Variants in CEP128 observed in about 807,000 individuals in gnomAD.
CEP128 encodes centrosomal protein 128.
Under a neutral mutation model 156.7 loss-of-function variants are expected in CEP128, and 132 were observed. The ratio of observed to expected loss-of-function variants is 0.84; its 90% CI spans 0.73 to 0.97. The LOEUF is 0.97. Ranked by LOEUF, CEP128 falls within the 50% of genes least tolerant of loss-of-function variation. The pLI is 0.00. For synonymous variants in CEP128, 469 were observed against 448.9 expected, an observed-to-expected ratio of 1.04 and a Z score of -0.57; for missense variants, 1,252 against 1,281.9, an observed-to-expected ratio of 0.98 and a Z score of 0.36.
intron 19 of CEP128, among the ~76,000 whole-genome samples, chr14:80,735,298 T>C (rs966402681): frequency 6.6e-6 from 1 of 152,326 alleles, no homozygotes; most frequent in Middle Eastern, 3.4e-3. Flanking sequence ...TCATAATCCA[T>C]GTAACTTCTT....
chr14:80,633,116 A>G lies in CEP128; in HGVS notation c.2807-52693T>C, dbSNP rs7150760. Among the ~76,000 whole-genome samples, 1,179 of 151,776 alleles carry G rather than the reference A, an allele frequency of 7.8e-3. 25 individuals are homozygous for G. The highest frequency in any genetic ancestry group is 0.027 in the African/African-American group (1,117 of 41,218). Reference sequence around the variant, plus strand: ...GTGATGTGTGTCTGTAGTCCCAGCTATTCTGGAGGCTGAGGCAGGAGGATC... The same window carrying G: ...GTGATGTGTGTCTGTAGTCCCAGCTGTTCTGGAGGCTGAGGCAGGAGGATC... On this transcript the variant is annotated intron_variant, in intron 19 of 24. Transcript: ENST00000555265.
At chr14:80,751,207 T>C (rs892617730) in intron 18 of CEP128, among the ~76,000 whole-genome samples, 1 of 152,234 alleles carries the variant, frequency 6.6e-6, no homozygotes, top group African/African-American at 2.4e-5. Flanking sequence ...ATATGACCTA[T>C]GGCTTCAGTC....
chr14:80,896,690 C>T (rs8021137), intron 7 of CEP128, among the ~76,000 whole-genome samples: 104,906 of 152,048 alleles, frequency 0.69, 37,429 homozygotes, highest in African/African-American at 0.88. Flanking sequence ...ATAACTTTCC[C>T]GTGTTCTTGT....
intron 13 of CEP128, among the ~76,000 whole-genome samples, chr14:80,816,102 T>C (rs1884840358): frequency 6.6e-6 from 1 of 152,198 alleles, no homozygotes; most frequent in African/African-American, 2.4e-5. Context: ...TAAATTTGTA[T>C]ACATTTTTTA....
intron 4 of CEP128, among the ~76,000 whole-genome samples, chr14:80,907,838 A>G (rs1883979613): frequency 6.6e-6 from 1 of 152,180 alleles, no homozygotes; most frequent in Non-Finnish European, 1.5e-5. Flanking sequence ...AAATTATCAG[A>G]ATAAAACTAA....
chr14:80,618,509 G>A (rs950382055), intron 19 of CEP128, among the ~76,000 whole-genome samples: 8 of 152,324 alleles, frequency 5.3e-5, no homozygotes, highest in Non-Finnish European at 1.0e-4. Context: ...TTCACAAGAA[G>A]AAAGGAGGTT....
chr14:80,484,905 A>C (rs1398283981), intron 14 of CEP128, among the ~76,000 whole-genome samples: 1 of 152,164 alleles, frequency 6.6e-6, no homozygotes, highest in African/African-American at 2.4e-5. Flanking sequence ...ACAACTGCAC[A>C]TTCCTCTAAG....
intron 13 of CEP128, among the ~76,000 whole-genome samples, chr14:80,810,267 G>A (rs1326801361): frequency 2.2e-5 from 3 of 135,924 alleles, no homozygotes; most frequent in African/African-American, 5.5e-5. Context: ...AGCTTGCAGC[G>A]AGCCGAGATC....
In CEP128 at chr14:80,497,270, G is replaced by C. The variant is rs955128609; in HGVS notation, c.*209C>G. 2.3e-6 allele frequency: 1 copy of C among 437,566 alleles called. No homozygotes were observed. The highest frequency in any genetic ancestry group is 2.0e-5 in the African/African-American group (1 of 48,820). The allele number at this position is 437,566 out of a possible 1,614,324, so 27.1% of individuals were successfully genotyped here. On this transcript the variant is annotated 3_prime_UTR_variant, in exon 25 of 25. Coordinates refer to ENST00000555265, the MANE Select transcript of CEP128 (RefSeq NM_152446.5). ...GCTAGTATAAGTTGCAAATAAATTA[G>C]CTGCACATCATTCATGATCTGATAT...
chr14:80,716,208 C>T (rs908166151), intron 19 of CEP128, among the ~76,000 whole-genome samples: 2 of 152,178 alleles, frequency 1.3e-5, no homozygotes, highest in Admixed American at 6.5e-5. Flanking sequence ...TTTTTAACAA[C>T]TTAATTGAGA....
chr14:80,905,874 A>T (rs1883858665), intron 5 of CEP128, 81 bp downstream of exon 5: 1 of 1,387,458 alleles, frequency 7.2e-7, no homozygotes, highest in African/African-American at 1.5e-5. Flanking sequence ...TGTGTGGGTC[A>T]TATTTCTCCA....
At chr14:80,720,732 G>A (rs1027329960) in intron 19 of CEP128, among the ~76,000 whole-genome samples, 3 of 152,144 alleles carry the variant, frequency 2.0e-5, no homozygotes, top group Admixed American at 1.3e-4. Context: ...ACTAGACCTA[G>A]ACAACTTGGT....
At position 80,836,213 on chromosome 14, in the gene CEP128, A is replaced by C. The variant is rs1471936280; in HGVS notation, c.1049T>G (p.Phe350Cys). Residue 350 changes from phenylalanine (F) to cysteine (C), a missense_variant, in exon 12 of 25, where the codon TTT becomes TGT. Coordinates refer to ENST00000555265, the MANE Select transcript of CEP128 (RefSeq NM_152446.5). ...YQDEQGEDWR[F>C]RRGVEREKQD... The stretch of plus-strand genomic sequence containing the variant: ...TACAAATCTACTTTTACCTCTCCTA[A>C]ATCTCCAGTCCTCCCCTTGTTCATC... The C allele has an allele frequency of 1.2e-6, 2 of 1,613,940 alleles. No individual in the cohort carries two copies. Among genetic ancestry groups the C allele is most frequent in the Non-Finnish European group, 8.5e-7 (1 of 1,179,922 alleles).
chr14:80,950,632 C>A (rs1275338309), intron 2 of CEP128, among the ~76,000 whole-genome samples: 2 of 152,092 alleles, frequency 1.3e-5, no homozygotes, highest in African/African-American at 4.8e-5. Context: ...AGAAAAGCAT[C>A]AATATTCTCT....
intron 8 of CEP128, among the ~76,000 whole-genome samples, chr14:80,887,458 C>T (rs1228595986): frequency 6.6e-6 from 1 of 152,130 alleles, no homozygotes. Flanking sequence ...CACATTAGAA[C>T]TCAGGATTAA....
chr14:80,563,559 A>T (rs7154869), intron 20 of CEP128, among the ~76,000 whole-genome samples: 1 of 118,824 alleles, frequency 8.4e-6, no homozygotes, highest in African/African-American at 3.4e-5. Context: ...TTGAGATGGA[A>T]TCTCACTCTT....
chr14:80,916,375 T>A (rs1884555219), intron 3 of CEP128, 26 bp downstream of exon 3: 1 of 1,589,186 alleles, frequency 6.3e-7, no homozygotes, highest in Non-Finnish European at 8.6e-7. Flanking sequence ...TTAAATTCTA[T>A]TAAATGCAAC....
chr14:80,491,310 G>C (rs1887316614), intron 6 of CEP128, among the ~76,000 whole-genome samples: 1 of 152,222 alleles, frequency 6.6e-6, no homozygotes, highest in Non-Finnish European at 1.5e-5. Context: ...CCAGCAGCAT[G>C]AGGTCTCTCA....
chr14:80,925,130 T>C (rs548174580), intron 2 of CEP128, among the ~76,000 whole-genome samples: 3 of 152,114 alleles, frequency 2.0e-5, no homozygotes, highest in Non-Finnish European at 1.5e-5. Context: ...GAGGATCAAT[T>C]TGTGTTTCAT....
Sources: gnomAD v4.1 joint callset for allele counts (sites outside exome capture counted in the v4.1 genomes callset) on GRCh38, gnomAD v4.1.1 for gene constraint, MANE v1.5 for transcripts, NCBI Gene and HGNC (gene_info 2026-07-23, HGNC 2026-07-21) for gene names.